Variants in CSMD1 observed in about 807,000 individuals in gnomAD.
CSMD1 encodes the protein CUB and sushi domain-containing protein 1.
Under a neutral mutation model 417.5 loss-of-function variants are expected in CSMD1, and 213 were observed. The observed-to-expected ratio is 0.51, with a 90% CI of 0.46 to 0.57. CSMD1 has a LOEUF of 0.57. Ranked by LOEUF, CSMD1 falls within the 20% of genes least tolerant of loss-of-function variation. CSMD1 has a pLI of 0.00. For missense variants in CSMD1, 6,923 were observed against 4,529.7 expected (o/e 1.53, Z -15.17); for synonymous variants, 2,862 against 1,736.8 (o/e 1.65, Z -16.11).
intron 41 of CSMD1, among the ~76,000 whole-genome samples, chr8:3,133,663 T>C (rs1817916876): frequency 6.6e-6 from 1 of 150,950 alleles, no homozygotes; most frequent in South Asian, 2.1e-4. Context: ...GAGGGGTGAG[T>C]GTGATCAGAG....
At chr8:3,128,465 A>C (rs1204627416) in intron 41 of CSMD1, 1 of 214,794 alleles carries the variant, frequency 4.7e-6, no homozygotes, top group Non-Finnish European at 9.4e-6. Flanking sequence ...TGTACAGCAC[A>C]GACATCATTG....
At chr8:3,472,621 G>C (rs537368460) in intron 11 of CSMD1, among the ~76,000 whole-genome samples, 3 of 152,094 alleles carry the variant, frequency 2.0e-5, no homozygotes, top group Non-Finnish European at 4.4e-5. Context: ...ACTCACACTA[G>C]ACACATGGTG....
At chr8:4,503,498 G>A (rs1212118113) in intron 2 of CSMD1, among the ~76,000 whole-genome samples, 1 of 152,042 alleles carries the variant, frequency 6.6e-6, no homozygotes, top group Non-Finnish European at 1.5e-5. Flanking sequence ...TATATTCTTA[G>A]AAAATCCAAG....
At chr8:4,115,162 G>A (rs1458637771) in intron 3 of CSMD1, among the ~76,000 whole-genome samples, 2 of 152,142 alleles carry the variant, frequency 1.3e-5, no homozygotes, top group African/African-American at 2.4e-5. Context: ...CTCATTTTAA[G>A]AAATTTTCAC....
chr8:4,155,905 G>A (rs1308884805), intron 3 of CSMD1, among the ~76,000 whole-genome samples: 2 of 152,158 alleles, frequency 1.3e-5, no homozygotes, highest in African/African-American at 2.4e-5. Flanking sequence ...GTAAGTGCGG[G>A]AATGAGCTTT....
intron 5 of CSMD1, among the ~76,000 whole-genome samples, chr8:3,767,089 T>A (rs1584965295): frequency 6.6e-6 from 1 of 152,340 alleles, no homozygotes; most frequent in Middle Eastern, 3.4e-3. Context: ...CAGACCCACT[T>A]AAACCTCACT....
At chr8:4,733,312 G>A (rs777347004) in intron 1 of CSMD1, among the ~76,000 whole-genome samples, 4 of 152,152 alleles carry the variant, frequency 2.6e-5, no homozygotes, top group South Asian at 2.1e-4. Flanking sequence ...TGCCCTCAAA[G>A]CAAGCACAAA....
chr8:3,537,263 A>T (rs1798242428), intron 10 of CSMD1, among the ~76,000 whole-genome samples: 1 of 152,220 alleles, frequency 6.6e-6, no homozygotes, highest in African/African-American at 2.4e-5. Flanking sequence ...TTGGCCTCCC[A>T]AAGTGCTGGG....
chr8:3,903,668 C>A (rs1333408860), intron 5 of CSMD1, among the ~76,000 whole-genome samples: 4 of 152,122 alleles, frequency 2.6e-5, no homozygotes, highest in African/African-American at 4.8e-5. Flanking sequence ...CAAATTGACC[C>A]TGGCTGTCTA....
chr8:3,120,804 G>A (rs1010587708), intron 41 of CSMD1, among the ~76,000 whole-genome samples: 5 of 152,020 alleles, frequency 3.3e-5, no homozygotes, highest in African/African-American at 1.2e-4. Flanking sequence ...CCGAGATCAC[G>A]CCACTGCACT....
intron 5 of CSMD1, among the ~76,000 whole-genome samples, chr8:3,959,555 A>T (rs947738252): frequency 6.6e-6 from 1 of 152,232 alleles, no homozygotes; most frequent in African/African-American, 2.4e-5. Context: ...AGAGACAAAG[A>T]GTTCCCATAG....
At chr8:4,041,423 G>A (rs1455936569) in intron 3 of CSMD1, among the ~76,000 whole-genome samples, 2 of 152,218 alleles carry the variant, frequency 1.3e-5, no homozygotes, top group South Asian at 2.1e-4. Flanking sequence ...TACGAAAAAA[G>A]CAACTTCTTT....
chr8:3,400,968 C>T (rs9969619), intron 15 of CSMD1, among the ~76,000 whole-genome samples: 78,551 of 151,128 alleles, frequency 0.52, 20,824 homozygotes, highest in Middle Eastern at 0.63. Flanking sequence ...CAAAATTATA[C>T]TTATTAATAT....
intron 41 of CSMD1, among the ~76,000 whole-genome samples, chr8:3,120,659 CA>C (rs1302308188): frequency 1.3e-5 from 2 of 151,390 alleles, no homozygotes; most frequent in East Asian, 3.9e-4. Flanking sequence ...CCAGCCTGAA[CA>C]ACATGGTGAA....
chr8:4,124,710 G>A (rs1054389965), intron 3 of CSMD1, among the ~76,000 whole-genome samples: 2 of 152,148 alleles, frequency 1.3e-5, no homozygotes, highest in African/African-American at 2.4e-5. Flanking sequence ...TCCCTAAGGG[G>A]GCTTTTCCCT....
At chr8:3,143,530 A>G (rs1563082708) in intron 40 of CSMD1, among the ~76,000 whole-genome samples, 2 of 152,002 alleles carry the variant, frequency 1.3e-5, no homozygotes, top group South Asian at 2.1e-4. Flanking sequence ...GCATTGTGGC[A>G]TTTTTTTTGA....
In CSMD1 at chr8:3,359,236, C is replaced by T; in HGVS notation, c.3220G>A (p.Gly1074Arg). ...GDSLTFSCFL[G>R]YRLEGATKLT... ...TTGGTGGCACCTTCTAAACGATATC[C>T]CAGGAAGCAGGAAAACGTCAGAGAG... The change falls in exon 21 of 70, where the codon GGA becomes AGA. Residue 1074 changes from glycine to arginine, a missense_variant. Transcript: ENST00000635120. 6.2e-7 allele frequency: 1 copy of T among 1,613,808 alleles called. No homozygotes were observed. Among genetic ancestry groups the T allele is most frequent in the Non-Finnish European group, 8.5e-7 (1 of 1,179,840 alleles).
chr8:3,562,953 T>C (rs968676539), intron 10 of CSMD1, among the ~76,000 whole-genome samples: 6 of 151,956 alleles, frequency 3.9e-5, no homozygotes, highest in Admixed American at 3.9e-4. Flanking sequence ...CATTTAGTAA[T>C]TATTTTTAAT....
At chr8:3,716,427 G>C (rs567519234) in intron 6 of CSMD1, among the ~76,000 whole-genome samples, 1 of 152,164 alleles carries the variant, frequency 6.6e-6, no homozygotes, top group African/African-American at 2.4e-5. Flanking sequence ...GCTAAACAAG[G>C]GGTGGATTAT....
Sources: allele counts gnomAD v4.1 joint callset (sites outside exome capture counted in the v4.1 genomes callset), GRCh38; gene constraint gnomAD v4.1.1; transcripts MANE v1.5; gene names NCBI Gene and HGNC (gene_info 2026-07-23, HGNC 2026-07-21).